Variants in CADM2 observed in about 807,000 individuals in gnomAD.
The protein encoded by CADM2 is cell adhesion molecule 2.
Under a neutral mutation model 49.8 loss-of-function variants are expected in CADM2, and 12 were observed. The observed-to-expected ratio is 0.24, with a 90% CI of 0.15 to 0.39. CADM2 has a LOEUF of 0.39. Among genes scored for constraint, CADM2 ranks in the 10% least tolerant of loss-of-function variants. The pLI is 1.00. For missense variants in CADM2, 378 were observed against 492.3 expected (o/e 0.77, Z 2.20); for synonymous variants, 214 against 175.4 (o/e 1.22, Z -1.74).
chr3:85,249,940 T>G (rs555187970), intron 1 of CADM2, among the ~76,000 whole-genome samples: 28 of 151,974 alleles, frequency 1.8e-4, no homozygotes, highest in African/African-American at 6.7e-4. Context: ...GTTAAATTTC[T>G]AATGAATTCT....
chr3:85,446,988 T>C (rs1559844616), intron 1 of CADM2, among the ~76,000 whole-genome samples: 1 of 68,562 alleles, frequency 1.5e-5, no homozygotes, highest in Non-Finnish European at 2.9e-5. Flanking sequence ...CTAATATGTA[T>C]TGCATATATA....
intron 1 of CADM2, among the ~76,000 whole-genome samples, chr3:85,097,914 C>T (rs1050807288): frequency 7.9e-5 from 12 of 152,170 alleles, no homozygotes; most frequent in African/African-American, 2.7e-4. Context: ...TTGTTTAAAG[C>T]TTCATTCACA....
At chr3:85,269,719 G>A (rs2043195515) in intron 1 of CADM2, among the ~76,000 whole-genome samples, 1 of 151,278 alleles carries the variant, frequency 6.6e-6, no homozygotes, top group African/African-American at 2.4e-5. Flanking sequence ...AAGACATATG[G>A]CATTAACAAT....
intron 1 of CADM2, among the ~76,000 whole-genome samples, chr3:85,564,530 A>C (rs2107197564): frequency 6.6e-6 from 1 of 152,218 alleles, no homozygotes; most frequent in South Asian, 2.1e-4. Flanking sequence ...AAAGGCTAAT[A>C]AAATCTCTCT....
intron 1 of CADM2, among the ~76,000 whole-genome samples, chr3:85,562,753 C>T (rs1449380): frequency 0.51 from 77,927 of 152,006 alleles, 23,056 homozygotes; most frequent in East Asian, 0.85. Flanking sequence ...TGCTATACTT[C>T]ATTCTTGTTA....
chr3:85,037,127 G>A (rs560678726), intron 1 of CADM2, among the ~76,000 whole-genome samples: 29 of 152,022 alleles, frequency 1.9e-4, no homozygotes, highest in Admixed American at 4.6e-4. Context: ...CTAAGATTGC[G>A]CCATGCACTC....
intron 1 of CADM2, among the ~76,000 whole-genome samples, chr3:85,349,678 CA>C (rs898629811): frequency 2.8e-4 from 43 of 152,052 alleles, no homozygotes; most frequent in Non-Finnish European, 1.5e-5. Context: ...CAGATATCAC[CA>C]ACAGAAACTG....
intron 1 of CADM2, among the ~76,000 whole-genome samples, chr3:85,636,556 A>G (rs989860680): frequency 6.6e-6 from 1 of 152,194 alleles, no homozygotes; most frequent in African/African-American, 2.4e-5. Flanking sequence ...TGTAGCCTCA[A>G]TGTACAGTGT....
intron 1 of CADM2, among the ~76,000 whole-genome samples, chr3:85,337,204 T>A (rs1478939241): frequency 6.6e-6 from 1 of 150,472 alleles, no homozygotes; most frequent in Non-Finnish European, 1.5e-5. Context: ...AATTGCAGCA[T>A]CTTTAAACTC....
At chr3:86,064,829 G>A (rs1242195259) in intron 8 of CADM2, among the ~76,000 whole-genome samples, 1 of 152,200 alleles carries the variant, frequency 6.6e-6, no homozygotes, top group South Asian at 2.1e-4. Flanking sequence ...GAACATGAAA[G>A]TATATTATTA....
At chr3:85,076,333 G>GTA (rs1417063769) in intron 1 of CADM2, among the ~76,000 whole-genome samples, 1 of 151,452 alleles carries the variant, frequency 6.6e-6, no homozygotes, top group African/African-American at 2.4e-5. Flanking sequence ...GTGTGTGTGT[G>GTA]TGTGTGGTGT....
At chr3:85,223,317 T>C (rs1322013186) in intron 1 of CADM2, among the ~76,000 whole-genome samples, 1 of 152,162 alleles carries the variant, frequency 6.6e-6, no homozygotes, top group Non-Finnish European at 1.5e-5. Flanking sequence ...ATTTAAGGTC[T>C]GTTCTAAAAT....
chr3:85,584,479 T>C (rs2062882430), intron 1 of CADM2, among the ~76,000 whole-genome samples: 1 of 152,106 alleles, frequency 6.6e-6, no homozygotes. Context: ...TTTTATTTGT[T>C]TATAAATATA....
chr3:85,032,831 G>C (rs1336017936), intron 1 of CADM2, among the ~76,000 whole-genome samples: 3 of 152,000 alleles, frequency 2.0e-5, no homozygotes, highest in Non-Finnish European at 4.4e-5. Flanking sequence ...TACATGCTTT[G>C]ACATCAGTGG....
At chr3:85,980,491 GGTA>G (rs1030338625) in intron 8 of CADM2, among the ~76,000 whole-genome samples, 3 of 151,420 alleles carry the variant, frequency 2.0e-5, no homozygotes, top group African/African-American at 7.3e-5. Context: ...TAAGTTTAAT[GGTA>G]GTAGCAATAA....
At chr3:85,815,699 C>T (rs1031512732) in intron 3 of CADM2, among the ~76,000 whole-genome samples, 1 of 152,122 alleles carries the variant, frequency 6.6e-6, no homozygotes, top group African/African-American at 2.4e-5. Flanking sequence ...ACAAGGTTGG[C>T]CTCTCTCACC....
chr3:85,752,766 A>T (rs998331874), intron 2 of CADM2, among the ~76,000 whole-genome samples: 4 of 152,142 alleles, frequency 2.6e-5, no homozygotes, highest in Non-Finnish European at 4.4e-5. Flanking sequence ...TCTGCAAGTA[A>T]ATACAAAAGT....
At chr3:85,486,649 G>A (rs76177044) in intron 1 of CADM2, among the ~76,000 whole-genome samples, 12,145 of 151,982 alleles carry the variant, frequency 0.08, 931 homozygotes, top group African/African-American at 0.18. Context: ...TATTATAAAG[G>A]TTCCCAACAG....
At chr3:84,960,311 A>G (rs1417828319) in intron 1 of CADM2, 1 of 152,208 alleles carries the variant, frequency 6.6e-6, no homozygotes, top group Non-Finnish European at 1.5e-5. Context: ...ATTTAAAAAA[A>G]AAGAAAAGAA....
Sources: gnomAD v4.1 joint callset for allele counts (sites outside exome capture counted in the v4.1 genomes callset) on GRCh38, gnomAD v4.1.1 for gene constraint, MANE v1.5 for transcripts, NCBI Gene and HGNC (gene_info 2026-07-23, HGNC 2026-07-21) for gene names.